Variants in PLCE1 observed in about 807,000 individuals in gnomAD.
PLCE1 encodes the protein 1-phosphatidylinositol 4,5-bisphosphate phosphodiesterase epsilon-1.
In PLCE1, 119 loss-of-function variants were observed where a neutral mutation model predicts 242.8. The observed-to-expected ratio is 0.49, with a 90% CI of 0.42 to 0.57. The LOEUF (loss-of-function observed/expected upper bound fraction) is 0.57, where lower values mean the gene tolerates loss of function less well. Among genes scored for constraint, PLCE1 ranks in the 20% least tolerant of loss-of-function variants. The pLI is 0.00. For synonymous variants in PLCE1, 945 were observed against 1,017.4 expected (o/e 0.93, Z 1.35); for missense variants, 2,441 against 2,788.8 (o/e 0.88, Z 2.81).
chr10:94,119,515 A>G (rs1193011003), intron 2 of PLCE1, among the ~76,000 whole-genome samples: 1 of 152,176 alleles, frequency 6.6e-6, no homozygotes, highest in Non-Finnish European at 1.5e-5. Context: ...CTTCACCCAT[A>G]GGAAAACTAT....
chr10:94,215,790 G>A lies in PLCE1; in HGVS notation c.1810-11516G>A, dbSNP rs117937811. Among the ~76,000 whole-genome samples, 278 of 152,310 alleles carry A rather than the reference G, an allele frequency of 1.8e-3. 1 individual carries two copies. Among genetic ancestry groups the A allele is most frequent in the Admixed American group, 3.5e-3 (53 of 15,294 alleles). On this transcript the variant is annotated intron_variant, in intron 4 of 32. Transcript: ENST00000371380. ...GGCCGAGACAGAGCAAGGCATGGTA[G>A]CACACACCTGTAGTCCCAACTACTG...
chr10:94,327,020 G>A (rs896190451), intron 32 of PLCE1, among the ~76,000 whole-genome samples: 2 of 151,910 alleles, frequency 1.3e-5, no homozygotes, highest in Non-Finnish European at 2.9e-5. Context: ...CAGTTAGCTG[G>A]GCGTGGTGGT....
At chr10:94,155,679 C>T (rs562507968) in intron 3 of PLCE1, 10 of 151,790 alleles carry the variant, frequency 6.6e-5, no homozygotes, top group Non-Finnish European at 1.0e-4. Context: ...GTCATCCTTG[C>T]GCAGGGGCCA....
At chr10:94,190,939 G>C (rs1235333968) in intron 4 of PLCE1, among the ~76,000 whole-genome samples, 1 of 152,158 alleles carries the variant, frequency 6.6e-6, no homozygotes, top group Non-Finnish European at 1.5e-5. Context: ...AAGTGGGAGA[G>C]AGATCACAGG....
At chr10:94,172,278 GCA>G (rs1402190515) in intron 4 of PLCE1, among the ~76,000 whole-genome samples, 1 of 152,090 alleles carries the variant, frequency 6.6e-6, no homozygotes, top group African/African-American at 2.4e-5. Flanking sequence ...GGCTTAAAAG[GCA>G]CTTTCTCTTA....
At chr10:94,170,210 T>C (rs1210713201) in intron 3 of PLCE1, among the ~76,000 whole-genome samples, 2 of 152,194 alleles carry the variant, frequency 1.3e-5, no homozygotes, top group African/African-American at 2.4e-5. Context: ...ATGAGTGACA[T>C]GAATATGTGA....
chr10:94,265,620 A>G (rs1219643027), intron 14 of PLCE1, 27 bp from the exon 15 acceptor site: 1 of 1,601,392 alleles, frequency 6.2e-7, no homozygotes, highest in Non-Finnish European at 8.6e-7. Context: ...TAACCTAAAT[A>G]ACACTTTTTT....
intron 5 of PLCE1, among the ~76,000 whole-genome samples, chr10:94,230,745 T>C (rs2050115260): frequency 6.6e-6 from 1 of 152,096 alleles, no homozygotes; most frequent in Non-Finnish European, 1.5e-5. Context: ...AGTAGCTAGG[T>C]CTACAAGGAG....
chr10:94,172,731 C>T lies in PLCE1; in HGVS notation c.1809+1235C>T, dbSNP rs564286720. Among the ~76,000 whole-genome samples, 42 of 152,278 alleles carry T rather than the reference C, an allele frequency of 2.8e-4. 1 individual carries two copies. Among genetic ancestry groups the T allele is most frequent in the African/African-American group, 9.6e-4 (40 of 41,558 alleles). On this transcript the variant is annotated intron_variant, in intron 4 of 32. Transcript: ENST00000371380. Reference sequence around the variant, plus strand: ...CCCAGCTACTGTGGAGGCTGAGACCCTCTAAGGATCCCTTAGCCCAGAAGT... The same window carrying T: ...CCCAGCTACTGTGGAGGCTGAGACCTTCTAAGGATCCCTTAGCCCAGAAGT...
At chr10:94,224,701 CA>C (rs1040994614) in intron 4 of PLCE1, among the ~76,000 whole-genome samples, 6 of 152,162 alleles carry the variant, frequency 3.9e-5, no homozygotes, top group African/African-American at 1.4e-4. Flanking sequence ...TAGGGCTCAT[CA>C]AAAGCCAGTC....
chr10:94,274,706 G>A (rs2051880800), intron 19 of PLCE1, among the ~76,000 whole-genome samples: 1 of 152,140 alleles, frequency 6.6e-6, no homozygotes, highest in South Asian at 2.1e-4. Flanking sequence ...AGCCAAACAA[G>A]TCAGGTCTGG....
intron 4 of PLCE1, among the ~76,000 whole-genome samples, chr10:94,206,941 C>T (rs11187814): frequency 0.4 from 60,720 of 152,074 alleles, 12,618 homozygotes; most frequent in East Asian, 0.68. Flanking sequence ...CACGTACATA[C>T]AATATGTTTA....
chr10:94,110,230 T>G (rs1040124879), intron 2 of PLCE1, among the ~76,000 whole-genome samples: 2 of 151,546 alleles, frequency 1.3e-5, no homozygotes, highest in Non-Finnish European at 1.5e-5. Flanking sequence ...GCCCAGCTAA[T>G]TTTTTGTATT....
At chr10:94,118,250 A>G (rs560533484) in intron 2 of PLCE1, among the ~76,000 whole-genome samples, 22 of 152,050 alleles carry the variant, frequency 1.4e-4, no homozygotes, top group African/African-American at 4.3e-4. Context: ...GTTCTTTGAC[A>G]TGCAGCTCAG....
intron 1 of PLCE1, among the ~76,000 whole-genome samples, chr10:94,027,820 AAAAT>A (rs5787098): frequency 0.39 from 57,623 of 149,200 alleles, 13,482 homozygotes; most frequent in African/African-American, 0.67. Flanking sequence ...ACTCCATCTC[AAAAT>A]AAATAAATAA....
chr10:94,035,932 T>C (rs2061655481), intron 2 of PLCE1, among the ~76,000 whole-genome samples: 1 of 152,152 alleles, frequency 6.6e-6, no homozygotes, highest in Non-Finnish European at 1.5e-5. Context: ...TGTAAATCGA[T>C]TAAGGACAAG....
chr10:94,069,352 C>A (rs577548960), intron 2 of PLCE1, among the ~76,000 whole-genome samples: 108 of 152,172 alleles, frequency 7.1e-4, no homozygotes, highest in Non-Finnish European at 1.3e-3. Context: ...GTAATTCCAG[C>A]ACTTTGAGAG....
At position 94,279,773 on chromosome 10, in the gene PLCE1, A is replaced by AT; in HGVS notation, c.4666-5dup. On this transcript the variant is annotated splice_polypyrimidine_tract_variant and intron_variant, in intron 19 of 32. Coordinates refer to ENST00000371380, the MANE Select transcript of PLCE1 (RefSeq NM_016341.4). ...GCATCTGCAGTTTACAATTATTGCT[A>AT]TTTTACAGGCTCATCAGTTAGCATC... is the stretch of plus-strand genomic sequence containing the variant. The AT allele has an allele frequency of 6.2e-7, 1 of 1,613,614 alleles. No individual in the cohort carries two copies. The highest frequency in any genetic ancestry group is 8.5e-7 in the Non-Finnish European group (1 of 1,179,656).
intron 2 of PLCE1, 51 bp from the exon 3 acceptor site, chr10:94,132,123 G>A (rs760665222): frequency 6.4e-7 from 1 of 1,571,694 alleles, no homozygotes; most frequent in African/African-American, 1.3e-5. Context: ...AAGTTAATTT[G>A]CTTTCCTAAG....
Sources: gnomAD v4.1 joint callset for allele counts (sites outside exome capture counted in the v4.1 genomes callset) on GRCh38, gnomAD v4.1.1 for gene constraint, MANE v1.5 for transcripts, NCBI Gene and HGNC (gene_info 2026-07-23, HGNC 2026-07-21) for gene names.